Variants in CEP128 observed in about 807,000 individuals in gnomAD.
CEP128 encodes the protein centrosomal protein 128, also known as centrosomal protein 128kDa.
A neutral mutation model predicts 156.7 loss-of-function variants in CEP128; 132 were observed. The observed-to-expected ratio is 0.84, with a 90% CI of 0.73 to 0.97. CEP128 has a LOEUF of 0.97. CEP128 is among the 50% of genes least tolerant of loss of function. The probability of loss-of-function intolerance (pLI) is 0.00; values close to 1 mark genes in which losing one functional copy is unlikely to be tolerated. For synonymous variants in CEP128, 469 were observed against 448.9 expected, an observed-to-expected ratio of 1.04 and a Z score of -0.57; for missense variants, 1,252 against 1,281.9, an observed-to-expected ratio of 0.98 and a Z score of 0.36.
At chr14:80,554,395 T>C (rs1859202659) in intron 21 of CEP128, among the ~76,000 whole-genome samples, 1 of 152,180 alleles carries the variant, frequency 6.6e-6, no homozygotes, top group African/African-American at 2.4e-5. Flanking sequence ...AAAATGGGCA[T>C]GTTCCCTCTT....
chr14:80,510,345 T>G (rs1246390712), intron 23 of CEP128, among the ~76,000 whole-genome samples: 2 of 152,122 alleles, frequency 1.3e-5, no homozygotes, highest in East Asian at 1.9e-4. Flanking sequence ...ACTACTTTGG[T>G]TATGTCTATT....
At chr14:80,509,888 TC>T (rs1258359457) in intron 23 of CEP128, among the ~76,000 whole-genome samples, 6 of 152,304 alleles carry the variant, frequency 3.9e-5, no homozygotes, top group Middle Eastern at 3.4e-3. Flanking sequence ...GACTGTCTTT[TC>T]CCCAATGTAT....
At chr14:80,841,867 A>G (rs572986204) in intron 9 of CEP128, among the ~76,000 whole-genome samples, 1 of 152,138 alleles carries the variant, frequency 6.6e-6, no homozygotes, top group African/African-American at 2.4e-5. Flanking sequence ...CACATAAAGC[A>G]ATGTCTGGCT....
chr14:80,758,960 T>A (rs1048178844), intron 17 of CEP128, among the ~76,000 whole-genome samples: 1 of 152,194 alleles, frequency 6.6e-6, no homozygotes, highest in African/African-American at 2.4e-5. Context: ...CCTGTCTTGA[T>A]CCAAAGCCCA....
intron 19 of CEP128, among the ~76,000 whole-genome samples, chr14:80,600,233 G>A (rs879461165): frequency 6.6e-5 from 10 of 152,134 alleles, no homozygotes; most frequent in Admixed American, 2.6e-4. Flanking sequence ...TATTTGAAAC[G>A]TAAAAATTCC....
rs4439693 is a variant in CEP128 at position 80,516,299 on chromosome 14, C to T, written c.3072+10570G>A. 6.3e-3 allele frequency among the ~76,000 whole-genome samples: 956 copies of T among 152,294 alleles called. 3 individuals carry two copies. The highest frequency in any genetic ancestry group is 0.011 in the Non-Finnish European group (715 of 68,028). ...ATGGAATGAGGGCTTCAGGACTCTGCCTGGTGCCCTATTCTACTATGGCTA... is the reference window on the plus strand; with the variant it reads ...ATGGAATGAGGGCTTCAGGACTCTGTCTGGTGCCCTATTCTACTATGGCTA... On this transcript the variant is annotated intron_variant, in intron 23 of 24. Transcript: ENST00000555265.
chr14:80,903,050 A>C (rs1883672669), intron 6 of CEP128, among the ~76,000 whole-genome samples: 1 of 152,166 alleles, frequency 6.6e-6, no homozygotes, highest in Non-Finnish European at 1.5e-5. Context: ...CCATATAGCC[A>C]AAACAATCCT....
At chr14:80,810,331 A>AAAAAAAAAAAAAAAAAAAAAAAAAAAAC (rs1411452015) in intron 13 of CEP128, among the ~76,000 whole-genome samples, 1 of 145,022 alleles carries the variant, frequency 6.9e-6, no homozygotes, top group Non-Finnish European at 1.5e-5. Flanking sequence ...TCCAAAAAAA[A>AAAAAAAAAAAAAAAAAAAAAAAAAAAAC]AAAAAAAAAA....
intron 14 of CEP128, among the ~76,000 whole-genome samples, chr14:80,787,696 A>G (rs1901484470): frequency 6.6e-6 from 1 of 152,036 alleles, no homozygotes; most frequent in South Asian, 2.1e-4. Context: ...CAATATAGTG[A>G]TATATGTTTG....
At chr14:80,726,958 AG>A (rs1898042700) in intron 19 of CEP128, among the ~76,000 whole-genome samples, 1 of 152,222 alleles carries the variant, frequency 6.6e-6, no homozygotes, top group African/African-American at 2.4e-5. Context: ...AACTGATCTG[AG>A]AAAAGATTGC....
rs1234803294 is a variant in CEP128, at chr14:80,892,020, A to C, written c.645+3698T>G. 2.6e-5 allele frequency among the ~76,000 whole-genome samples: 4 copies of C among 152,072 alleles called. No individual in the cohort carries two copies. The South Asian group carries it at 6.2e-4, about 24-fold the overall frequency. ...CCAAAGCAAAATATAGGTTTGACAT[A>C]ATCCATATCAAAATCCTAATGGCAT... On this transcript the variant is annotated intron_variant, in intron 8 of 24. Transcript: ENST00000555265.
chr14:80,762,266 C>A (rs545631931), intron 16 of CEP128, among the ~76,000 whole-genome samples: 1 of 124,652 alleles, frequency 8.0e-6, no homozygotes, highest in Non-Finnish European at 1.8e-5. Context: ...AATTCTAAAT[C>A]ATTATGATTA....
At chr14:80,670,171 C>T (rs1049647143) in intron 19 of CEP128, among the ~76,000 whole-genome samples, 1 of 152,170 alleles carries the variant, frequency 6.6e-6, no homozygotes, top group African/African-American at 2.4e-5. Context: ...TACCAGGACT[C>T]GCCTCAAACA....
At chr14:80,554,880 G>C (rs936830028) in intron 21 of CEP128, among the ~76,000 whole-genome samples, 9 of 150,748 alleles carry the variant, frequency 6.0e-5, no homozygotes, top group Non-Finnish European at 1.2e-4. Context: ...ATCTTATGTT[G>C]GGTGATAAGC....
chr14:80,930,537 A>G (rs547493293), intron 2 of CEP128, among the ~76,000 whole-genome samples: 2 of 151,956 alleles, frequency 1.3e-5, no homozygotes, highest in African/African-American at 4.8e-5. Flanking sequence ...CAAGAAGAAA[A>G]CTCCATTTAA....
intron 8 of CEP128, among the ~76,000 whole-genome samples, chr14:80,878,735 G>C (rs561160786): frequency 1.3e-5 from 2 of 152,266 alleles, no homozygotes; most frequent in African/African-American, 4.8e-5. Context: ...TTGTCCCTTA[G>C]AGCAACAAAC....
intron 19 of CEP128, among the ~76,000 whole-genome samples, chr14:80,699,756 A>C (rs1897009638): frequency 6.6e-6 from 1 of 152,156 alleles, no homozygotes; most frequent in Non-Finnish European, 1.5e-5. Flanking sequence ...GTGAAGAGAA[A>C]TTCTGTGATT....
At chr14:80,893,282 T>C (rs1889188790) in intron 8 of CEP128, among the ~76,000 whole-genome samples, 1 of 151,150 alleles carries the variant, frequency 6.6e-6, no homozygotes, top group Non-Finnish European at 1.5e-5. Flanking sequence ...CAAAAAGAAA[T>C]CAAATATACA....
At chr14:80,785,607 G>T in intron 14 of CEP128, 62 bp from the exon 15 acceptor site, 1 of 1,196,222 alleles carries the variant, frequency 8.4e-7, no homozygotes, top group South Asian at 1.7e-5. Flanking sequence ...ATTCACCATA[G>T]ACTCTGCCAG....
Sources: gnomAD v4.1 joint callset for allele counts (sites outside exome capture counted in the v4.1 genomes callset) on GRCh38, gnomAD v4.1.1 for gene constraint, MANE v1.5 for transcripts, NCBI Gene and HGNC (gene_info 2026-07-23, HGNC 2026-07-21) for gene names.